The following USP6NL variants were observed in gnomAD, a reference collection of about 807,000 sequenced individuals.
USP6NL encodes USP6 N-terminal-like protein.
In USP6NL, 26 loss-of-function variants were observed where a neutral mutation model predicts 61.9. That is an observed-to-expected ratio of 0.42 (90% CI 0.31 to 0.58). The LOEUF (loss-of-function observed/expected upper bound fraction) is 0.58, where lower values mean the gene tolerates loss of function less well. Among genes scored for constraint, USP6NL ranks in the 20% least tolerant of loss-of-function variants. USP6NL has a pLI of 0.16. For synonymous variants in USP6NL, 432 were observed against 390.1 expected (o/e 1.11, Z -1.27); for missense variants, 1,114 against 1,034.3 (o/e 1.08, Z -1.06).
chr10:11,578,156 A>G (rs1837619919), intron 2 of USP6NL, among the ~76,000 whole-genome samples: 1 of 151,846 alleles, frequency 6.6e-6, no homozygotes, highest in Non-Finnish European at 1.5e-5. Context: ...CTTTATGGAG[A>G]CAGGGTTTCA....
intron 2 of USP6NL, among the ~76,000 whole-genome samples, chr10:11,560,680 A>G (rs1343372751): frequency 6.8e-6 from 1 of 147,898 alleles, no homozygotes; most frequent in Non-Finnish European, 1.5e-5. Context: ...AAGAAGAAAA[A>G]AAAGGCCTCC....
rs1288374019 is a variant in USP6NL at position 11,463,289 on chromosome 10, T to C, written c.1639A>G (p.Thr547Ala). The C allele has an allele frequency of 1.2e-6, 2 of 1,613,840 alleles. No homozygotes were observed. The highest frequency in any genetic ancestry group is 2.2e-5 in the East Asian group (1 of 44,870). The stretch of plus-strand genomic sequence containing the variant: ...GGCACGTTGTCGTACTGCGATGCAG[T>C]GGAGCCCCGCTTCCCGTCCTCAGCA... ...LDAEDGKRGS[T>A]ASQYDNVPGP... is the part of the protein sequence containing the mutation. The change falls in exon 15 of 15, where the codon ACT becomes GCT. Residue 547 changes from threonine to alanine, a missense_variant. Coordinates refer to ENST00000609104, the MANE Select transcript of USP6NL (RefSeq NM_014688.5). This position sits in a 1 kb window ranked among gnomAD's most constrained non-coding sequence, Gnocchi z 6.3.
Position 11,587,643 on chromosome 10 carries a change from G to A in USP6NL, c.4+9988C>T, listed in dbSNP as rs1005727200. On this transcript the variant is annotated intron_variant, in intron 2 of 14. Transcript: ENST00000609104. The surrounding 1 kb of genome is among the most constrained non-coding windows in gnomAD (Gnocchi z 4.5). Reference sequence around the variant, plus strand: ...AATTTATGTACAAATAGCTATAGCTGTTTTATTATTATAAAATAATTCGAT... The same window carrying A: ...AATTTATGTACAAATAGCTATAGCTATTTTATTATTATAAAATAATTCGAT... Among the ~76,000 whole-genome samples, 2 of 152,136 alleles carry A rather than the reference G, an allele frequency of 1.3e-5. No homozygotes were observed. Among genetic ancestry groups the A allele is most frequent in the African/African-American group, 2.4e-5 (1 of 41,424 alleles).
rs375510804 is a variant in USP6NL at position 11,510,314 on chromosome 10, G to A, written c.196-639C>T. ...GTCAAATCCACCTAGGCATGCCAGA[G>A]AAAATGATCCCAAAATGAGGAACAG... On this transcript the variant is annotated intron_variant, in intron 5 of 14. Transcript: ENST00000609104. The surrounding 1 kb of genome is among the most constrained non-coding windows in gnomAD (Gnocchi z 4.8). 6.6e-6 allele frequency among the ~76,000 whole-genome samples: 1 copy of A among 152,178 alleles called. No homozygotes were observed. The highest frequency in any genetic ancestry group is 1.5e-5 in the Non-Finnish European group (1 of 68,028).
intron 2 of USP6NL, among the ~76,000 whole-genome samples, chr10:11,576,889 T>C (rs1837566128): frequency 6.6e-6 from 1 of 152,216 alleles, no homozygotes; most frequent in African/African-American, 2.4e-5. Flanking sequence ...ATAAGTTCCC[T>C]GGTAAGCCTG....
Position 11,493,234 on chromosome 10 carries a change from G to A in USP6NL, c.385-6C>T. 6.3e-7 allele frequency: 1 copy of A among 1,593,806 alleles called. No individual in the cohort carries two copies. The highest frequency in any genetic ancestry group is 8.6e-7 in the Non-Finnish European group (1 of 1,167,252). ...CGTGCTCTGTGTTTTAATTTCTGAA[G>A]AGAGAAAGAGAGAACAGAACAGATT... On this transcript the variant is annotated splice_region_variant and splice_polypyrimidine_tract_variant and intron_variant, in intron 7 of 14. Coordinates refer to ENST00000609104, the MANE Select transcript of USP6NL (RefSeq NM_014688.5).
intron 4 of USP6NL, among the ~76,000 whole-genome samples, chr10:11,519,854 C>A (rs1240181509): frequency 6.6e-6 from 1 of 152,178 alleles, no homozygotes; most frequent in African/African-American, 2.4e-5. Context: ...GTAGCTTTCT[C>A]AGTAGTACTG....
intron 6 of USP6NL, among the ~76,000 whole-genome samples, chr10:11,508,142 G>A (rs1410532380): frequency 1.3e-5 from 2 of 151,810 alleles, no homozygotes; most frequent in African/African-American, 4.8e-5. Flanking sequence ...GTTGTGTTTT[G>A]CTAGTAGGAC....
In USP6NL at chr10:11,461,726, A is replaced by C. The variant is rs1203360462; in HGVS notation, c.*715T>G. On this transcript the variant is annotated 3_prime_UTR_variant, in exon 15 of 15. Transcript: ENST00000609104. ...CTTATTTTAAGTGCCCCGATTTTTA[A>C]GCACCATTAAGTGGTTAGCCTTTCT... 1 of 152,252 alleles carries C rather than the reference A, an allele frequency of 6.6e-6. No homozygotes were observed. Among genetic ancestry groups the C allele is most frequent in the African/African-American group, 2.4e-5 (1 of 41,458 alleles). 9.4% of individuals were successfully genotyped at this position (152,252 alleles called of 1,614,324 possible).
chr10:11,569,627 T>C (rs1837288021), intron 2 of USP6NL, among the ~76,000 whole-genome samples: 1 of 152,124 alleles, frequency 6.6e-6, no homozygotes, highest in African/African-American at 2.4e-5. Context: ...ATAAGGAATG[T>C]GACTGCTGGA....
intron 2 of USP6NL, among the ~76,000 whole-genome samples, chr10:11,569,370 C>T (rs1837279147): frequency 2.0e-5 from 3 of 152,034 alleles, no homozygotes; most frequent in Non-Finnish European, 2.9e-5. Flanking sequence ...GCTAAAAAAA[C>T]AGGATGGAAG....
In USP6NL at chr10:11,462,511, C is replaced by T. The variant is rs2096218668; in HGVS notation, c.2417G>A (p.Gly806Glu). 2 of 1,613,828 alleles carry T rather than the reference C, an allele frequency of 1.2e-6. No individual in the cohort carries two copies. The highest frequency in any genetic ancestry group is 1.7e-5 in the Admixed American group (1 of 59,986). The change falls in exon 15 of 15, where the codon GGG becomes GAG. Residue 806 changes from glycine (G) to glutamate (E), a missense_variant. Gly to Glu is a moderately conservative substitution (Grantham distance 98, BLOSUM62 -2). Coordinates refer to ENST00000609104, the MANE Select transcript of USP6NL (RefSeq NM_014688.5). Reference protein sequence around the residue: ...DASPSGYPYSGPPPPAYHYRN... With the variant: ...DASPSGYPYSEPPPPAYHYRN... ...GTAGTGGTAGGCTGGAGGCGGGGGC[C>T]CTGAATATGGATATCCAGATGGACT...
At chr10:11,500,651 T>A (rs1205122071) in intron 7 of USP6NL, among the ~76,000 whole-genome samples, 1 of 152,186 alleles carries the variant, frequency 6.6e-6, no homozygotes, top group Non-Finnish European at 1.5e-5. Flanking sequence ...AGTCATCTTT[T>A]TTTTCATGCT....
At chr10:11,486,834 A>T (rs1454179907) in intron 10 of USP6NL, among the ~76,000 whole-genome samples, 1 of 152,208 alleles carries the variant, frequency 6.6e-6, no homozygotes, top group Non-Finnish European at 1.5e-5. Context: ...GTGATCTTGG[A>T]GTCCATTTTC....
intron 2 of USP6NL, among the ~76,000 whole-genome samples, chr10:11,545,180 G>T (rs888755804): frequency 1.3e-5 from 2 of 152,032 alleles, no homozygotes; most frequent in Non-Finnish European, 2.9e-5. Context: ...CTAAGGAAAA[G>T]ACCACTGCAA....
In USP6NL at chr10:11,576,665, T is replaced by C. The variant is rs139429104; in HGVS notation, c.4+20966A>G. On this transcript the variant is annotated intron_variant, in intron 2 of 14. Coordinates refer to ENST00000609104, the MANE Select transcript of USP6NL (RefSeq NM_014688.5). ...ACTGTAAGAAATAAACTTCTATTGTTTGTAAGCTATCCAGCTTATGATATT... is the reference window on the plus strand; with the variant it reads ...ACTGTAAGAAATAAACTTCTATTGTCTGTAAGCTATCCAGCTTATGATATT... Among the ~76,000 whole-genome samples, 33 of 152,316 alleles carry C rather than the reference T, an allele frequency of 2.2e-4. No individual in the cohort carries two copies. The East Asian group carries it at 6.2e-3, about 28-fold the overall frequency.
intron 2 of USP6NL, among the ~76,000 whole-genome samples, chr10:11,527,978 C>A (rs1462363921): frequency 6.6e-6 from 1 of 152,120 alleles, no homozygotes; most frequent in East Asian, 1.9e-4. Context: ...TAAACTAGCA[C>A]AAGATACAAT....
chr10:11,488,817 C>T (rs1178352096), intron 10 of USP6NL, among the ~76,000 whole-genome samples: 3 of 152,060 alleles, frequency 2.0e-5, no homozygotes, highest in Non-Finnish European at 4.4e-5. Context: ...TTCTTAAATT[C>T]CTCCAAACCT....
chr10:11,513,271 A>G lies in USP6NL; in HGVS notation c.196-3596T>C, dbSNP rs1381217136. Among the ~76,000 whole-genome samples, 1 of 152,236 alleles carries G rather than the reference A, an allele frequency of 6.6e-6. No homozygotes were observed. Among genetic ancestry groups the G allele is most frequent in the East Asian group, 1.9e-4 (1 of 5,204 alleles). On this transcript the variant is annotated intron_variant, in intron 5 of 14. Coordinates refer to ENST00000609104, the MANE Select transcript of USP6NL (RefSeq NM_014688.5). This position sits in a 1 kb window ranked among gnomAD's most constrained non-coding sequence, Gnocchi z 4.7. ...AACCAGAATGTTATTTCTGATAGCA[A>G]TGTGATCACTGTAATACAGAAGTAA...
Sources: allele counts gnomAD v4.1 joint callset (sites outside exome capture counted in the v4.1 genomes callset), GRCh38; gene constraint gnomAD v4.1.1; non-coding constraint Gnocchi (gnomAD v3.1); transcripts MANE v1.5; gene names NCBI Gene and HGNC (gene_info 2026-07-23, HGNC 2026-07-21).